Variants in DAAM2 observed in about 807,000 individuals in gnomAD.
DAAM2 encodes the protein dishevelled associated activator of morphogenesis 2, also known as disheveled-associated activator of morphogenesis 2.
Under a neutral mutation model 120.7 loss-of-function variants are expected in DAAM2, and 39 were observed. That is an observed-to-expected ratio of 0.32 (90% confidence interval 0.25 to 0.42). The LOEUF (loss-of-function observed/expected upper bound fraction) is 0.42, where lower values mean the gene tolerates loss of function less well. Among genes scored for constraint, DAAM2 ranks in the 10% least tolerant of loss-of-function variants. The pLI, the probability that DAAM2 is intolerant of heterozygous loss-of-function variation, is 1.00. For synonymous variants in DAAM2, 488 were observed against 524.9 expected, an observed-to-expected ratio of 0.93 and a Z score of 0.96; for missense variants, 1,283 against 1,401.7, an observed-to-expected ratio of 0.92 and a Z score of 1.35.
chr6:39,879,709 C>T (rs1765040432), intron 14 of DAAM2: 1 of 610,032 alleles, frequency 1.6e-6, no homozygotes, highest in Admixed American at 2.6e-5. Context: ...TTGACAAAGT[C>T]ATCTACAAAT....
At chr6:39,816,958 C>A (rs1762328060) in intron 1 of DAAM2, among the ~76,000 whole-genome samples, 1 of 152,198 alleles carries the variant, frequency 6.6e-6, no homozygotes, top group Non-Finnish European at 1.5e-5. Flanking sequence ...AGAAGTTTTT[C>A]AAAATCGTGT....
At chr6:39,802,808 C>T (rs770056490) in intron 1 of DAAM2, among the ~76,000 whole-genome samples, 1 of 152,160 alleles carries the variant, frequency 6.6e-6, no homozygotes, top group Admixed American at 6.5e-5. Context: ...GGATGTAGCT[C>T]AATATATTTC....
At position 39,867,630 on chromosome 6, in the gene DAAM2, A is replaced by G. The variant is rs777911596; in HGVS notation, c.549A>G (p.Ala183=). The change falls in exon 6 of 25, where the codon GCA becomes GCG. Residue 183 remains alanine, a synonymous_variant. Coordinates refer to ENST00000274867, the MANE Select transcript of DAAM2 (RefSeq NM_001201427.2). ...IHTSLIGCIK[A]LMNNSQGRAH... is the part of the protein sequence containing the mutation. ...CCTCACTCATTGGCTGCATCAAAGC[A>G]TTGATGAACAACTCCCAGGGGCGGG... 2 of 1,614,034 alleles carry G rather than the reference A, an allele frequency of 1.2e-6. No individual in the cohort carries two copies. Among genetic ancestry groups the G allele is most frequent in the Admixed American group, 1.7e-5 (1 of 60,026 alleles).
chr6:39,859,322 ACT>A (rs928566072), intron 2 of DAAM2, among the ~76,000 whole-genome samples: 7 of 152,070 alleles, frequency 4.6e-5, no homozygotes, highest in African/African-American at 1.7e-4. Context: ...GGTGCATATA[ACT>A]CTCCTTTTCC....
At chr6:39,818,930 T>C (rs1234074103) in intron 1 of DAAM2, 1 of 152,172 alleles carries the variant, frequency 6.6e-6, no homozygotes, top group Non-Finnish European at 1.5e-5. Flanking sequence ...ATTTCTAAGG[T>C]TCCTTCTGGC....
At chr6:39,882,719 GCACACACA>G (rs1055877250) in intron 14 of DAAM2, among the ~76,000 whole-genome samples, 2,706 of 87,720 alleles carry the variant, frequency 0.031, 93 homozygotes, top group African/African-American at 0.1. Context: ...ACACACACAC[GCACACACA>G]CACACATACA....
chr6:39,840,418 A>G (rs1763280682), intron 1 of DAAM2, among the ~76,000 whole-genome samples: 1 of 152,228 alleles, frequency 6.6e-6, no homozygotes. Flanking sequence ...TAGTACATAT[A>G]AAATACCTGG....
chr6:39,856,648 A>G (rs1169056636), intron 2 of DAAM2, among the ~76,000 whole-genome samples, 178 bp downstream of exon 2: 1 of 152,186 alleles, frequency 6.6e-6, no homozygotes, highest in Non-Finnish European at 1.5e-5. Context: ...TCTCACTGGG[A>G]TGGACAGCAT....
Position 39,846,019 on chromosome 6 carries a change from G to A in DAAM2, c.-56-10228G>A, listed in dbSNP as rs951495416. Among the ~76,000 whole-genome samples, 7 of 152,292 alleles carry A rather than the reference G, an allele frequency of 4.6e-5. No homozygotes were observed. In the East Asian group the frequency reaches 7.7e-4, roughly 17 times the overall value. ...GGCCCTGGTCTCAGCACGGGATCAC[G>A]TGGGGCTGGTTTGGAGCCTGGTATT... On this transcript the variant is annotated intron_variant, in intron 1 of 24. Coordinates refer to ENST00000274867, the MANE Select transcript of DAAM2 (RefSeq NM_001201427.2).
chr6:39,856,531 G>T, intron 2 of DAAM2, 61 bp downstream of exon 2: 3 of 1,305,356 alleles, frequency 2.3e-6, no homozygotes, highest in Non-Finnish European at 3.0e-6. Context: ...GAGAGGCAGA[G>T]CTGGACAGAG....
In DAAM2 at chr6:39,888,667, GT is replaced by G; in HGVS notation, c.2061-8del. On this transcript the variant is annotated splice_polypyrimidine_tract_variant and intron_variant, in intron 16 of 24. Transcript: ENST00000274867. ...GAGGGCTGTCCTGGATTGAGGTGGG[GT>G]TTTGCCTTAGGTTGAAGCTTTCTAA... is the stretch of plus-strand genomic sequence containing the variant. The G allele has an allele frequency of 6.2e-7, 1 of 1,612,706 alleles. No homozygotes were observed.
chr6:39,837,060 G>A (rs537477497), intron 1 of DAAM2, among the ~76,000 whole-genome samples: 1 of 152,216 alleles, frequency 6.6e-6, no homozygotes, highest in Non-Finnish European at 1.5e-5. Context: ...AGTGGGCCTG[G>A]GGCATGAGTA....
chr6:39,807,988 A>T lies in DAAM2; in HGVS notation c.-57+15523A>T, dbSNP rs1041472553. On this transcript the variant is annotated intron_variant, in intron 1 of 24. Transcript: ENST00000274867. ...TCCTATTGGCTGTAGGTCCATCTGG[A>T]AAATTTCAGGTAGATGTGACATCTC... is the stretch of plus-strand genomic sequence containing the variant. 4.6e-5 allele frequency among the ~76,000 whole-genome samples: 7 copies of T among 152,252 alleles called. No individual in the cohort carries two copies. In the East Asian group the frequency reaches 1.4e-3, roughly 29 times the overall value.
At chr6:39,808,458 T>C (rs1390724163) in intron 1 of DAAM2, among the ~76,000 whole-genome samples, 1 of 152,218 alleles carries the variant, frequency 6.6e-6, no homozygotes, top group Non-Finnish European at 1.5e-5. Flanking sequence ...CCTTCCCTTC[T>C]GATTTTCATT....
intron 1 of DAAM2, among the ~76,000 whole-genome samples, chr6:39,806,814 ACT>A (rs2114034222): frequency 6.8e-6 from 1 of 147,702 alleles, no homozygotes; most frequent in African/African-American, 2.5e-5. Flanking sequence ...TCACAAGGAG[ACT>A]CTGTTTTATA....
Position 39,875,381 on chromosome 6 carries a change from T to G in DAAM2, c.1214T>G (p.Leu405Arg). The G allele has an allele frequency of 6.2e-7, 1 of 1,613,966 alleles. No individual in the cohort carries two copies. Among genetic ancestry groups the G allele is most frequent in the Non-Finnish European group, 8.5e-7 (1 of 1,179,866 alleles). Reference protein sequence around the residue: ...FQQWQLLDRILQQIVLQDERG... With the variant: ...FQQWQLLDRIRQQIVLQDERG... ...CAGTGGCAGCTCCTGGACCGCATCC[T>G]CCAGCAGATTGTCCTCCAGGATGAG... The change falls in exon 11 of 25, where the codon CTC becomes CGC. Residue 405 changes from leucine to arginine, a missense_variant. Coordinates refer to ENST00000274867, the MANE Select transcript of DAAM2 (RefSeq NM_001201427.2).
intron 1 of DAAM2, among the ~76,000 whole-genome samples, chr6:39,794,075 G>A (rs1251029767): frequency 6.6e-6 from 1 of 152,200 alleles, no homozygotes; most frequent in Non-Finnish European, 1.5e-5. Context: ...AAAAGATGGA[G>A]CAGGCAGCAA....
At chr6:39,887,944 C>G in intron 16 of DAAM2, 1 of 236,442 alleles carries the variant, frequency 4.2e-6, no homozygotes. Context: ...AACAGCACAG[C>G]TTCTGTACGG....
At chr6:39,798,316 C>T (rs1761759940) in intron 1 of DAAM2, among the ~76,000 whole-genome samples, 1 of 152,170 alleles carries the variant, frequency 6.6e-6, no homozygotes, top group Non-Finnish European at 1.5e-5. Context: ...AAATACCTCC[C>T]TCATAGGATG....
Sources: gnomAD v4.1 joint callset for allele counts (sites outside exome capture counted in the v4.1 genomes callset) on GRCh38, gnomAD v4.1.1 for gene constraint, MANE v1.5 for transcripts, NCBI Gene and HGNC (gene_info 2026-07-23, HGNC 2026-07-21) for gene names.